LRRIQ3: variants seen among roughly 807,000 people sequenced by gnomAD.
LRRIQ3 encodes the protein leucine rich repeats and IQ motif containing 3.
LRRIQ3 carries 75 observed loss-of-function variants against 59.3 expected under a neutral mutation model. The ratio of observed to expected loss-of-function variants is 1.26; its 90% confidence interval spans 1.05 to 1.53. LRRIQ3 has a LOEUF of 1.53. Among genes scored for constraint, LRRIQ3 ranks in the 40% most tolerant of loss-of-function variants. The pLI is 0.00. For synonymous variants in LRRIQ3, 250 were observed against 231.3 expected (o/e 1.08, Z -0.73); for missense variants, 831 against 710.0 (o/e 1.17, Z -1.94).
intron 3 of LRRIQ3, among the ~76,000 whole-genome samples, chr1:74,177,083 C>A (rs1353005360): frequency 3.3e-5 from 5 of 152,124 alleles, no homozygotes; most frequent in Non-Finnish European, 5.9e-5. Context: ...ATAGAGAGAG[C>A]AGGCTTCTGT....
chr1:74,095,323 T>A (rs1024443382), intron 5 of LRRIQ3, among the ~76,000 whole-genome samples: 2 of 152,140 alleles, frequency 1.3e-5, no homozygotes. Context: ...GAACAGTTGT[T>A]TTGTTTACAT....
At chr1:74,191,199 G>A (rs983116361) in intron 1 of LRRIQ3, among the ~76,000 whole-genome samples, 3 of 152,088 alleles carry the variant, frequency 2.0e-5, no homozygotes, top group South Asian at 4.1e-4. Context: ...ACTGTATGGT[G>A]CAAAATTATT....
intron 4 of LRRIQ3, among the ~76,000 whole-genome samples, chr1:74,150,325 C>A (rs1017599684): frequency 7.2e-5 from 11 of 151,916 alleles, no homozygotes; most frequent in South Asian, 2.1e-4. Context: ...CTAGTTTAAG[C>A]CAAGATATTG....
intron 4 of LRRIQ3, among the ~76,000 whole-genome samples, chr1:74,121,350 C>T (rs535268963): frequency 6.6e-6 from 1 of 152,194 alleles, no homozygotes; most frequent in East Asian, 1.9e-4. Context: ...TTACTGAAAA[C>T]AAACCAAGTA....
rs1056404123 is a variant in LRRIQ3 at position 74,121,544 on chromosome 1, T to C, written c.708-11991A>G. On this transcript the variant is annotated intron_variant, in intron 4 of 7. Coordinates refer to ENST00000354431, the MANE Select transcript of LRRIQ3 (RefSeq NM_001105659.2). ...AGGCTAGTCATCTATATAATTTTAA[T>C]CTTATTAGTAATTTTGGTTACAGAT... Among the ~76,000 whole-genome samples the C allele has an allele frequency of 2.0e-5, 3 of 152,136 alleles. No homozygotes were observed. In the East Asian group the frequency reaches 5.8e-4, roughly 29 times the overall value.
intron 6 of LRRIQ3, among the ~76,000 whole-genome samples, chr1:74,068,121 C>T (rs1210309419): frequency 6.6e-6 from 1 of 151,930 alleles, no homozygotes; most frequent in Non-Finnish European, 1.5e-5. Context: ...TCATTTCAGC[C>T]CCTGATATCA....
chr1:74,074,906 A>T, intron 5 of LRRIQ3, 116 bp from the exon 6 acceptor site: 1 of 502,100 alleles, frequency 2.0e-6, no homozygotes. Flanking sequence ...AAACATGAAA[A>T]CAAAAACCTG....
chr1:74,086,965 G>T (rs1286525213), intron 5 of LRRIQ3, among the ~76,000 whole-genome samples: 1 of 152,026 alleles, frequency 6.6e-6, no homozygotes, highest in Non-Finnish European at 1.5e-5. Context: ...GCTGACAGGT[G>T]TAAGAACTTA....
At chr1:74,155,498 C>T (rs1330907312) in intron 4 of LRRIQ3, among the ~76,000 whole-genome samples, 1 of 151,982 alleles carries the variant, frequency 6.6e-6, no homozygotes, top group Non-Finnish European at 1.5e-5. Context: ...CCATGGCTTA[C>T]ATTTGTATTT....
chr1:74,155,821 A>G lies in LRRIQ3; in HGVS notation c.619T>C (p.Ser207Pro). The G allele has an allele frequency of 6.3e-7, 1 of 1,580,478 alleles. No individual in the cohort carries two copies. Among genetic ancestry groups the G allele is most frequent in the South Asian group, 1.2e-5 (1 of 83,684 alleles). The change falls in exon 4 of 8, where the codon TCA (serine) becomes CCA (proline). Residue 207 changes from serine (S) to proline (P), a missense_variant. Ser to Pro is a moderately conservative substitution (Grantham distance 74). Transcript: ENST00000354431. ...EEINNIKHITSKINAILAHNS... is the reference protein window; with the variant it reads ...EEINNIKHITPKINAILAHNS... Reference sequence around the variant, plus strand: ...TGAGCCAGAATTGCATTAATTTTTGAAGTAATATGTTTAATATTATTAATT... The same window carrying G: ...TGAGCCAGAATTGCATTAATTTTTGGAGTAATATGTTTAATATTATTAATT...
intron 4 of LRRIQ3, among the ~76,000 whole-genome samples, chr1:74,155,416 G>A (rs573160215): frequency 1.1e-4 from 16 of 152,040 alleles, no homozygotes; most frequent in South Asian, 6.2e-4. Flanking sequence ...AATTGTATTC[G>A]CATCTAAATA....
At chr1:74,049,193 G>A (rs933506439) in intron 6 of LRRIQ3, among the ~76,000 whole-genome samples, 1 of 152,192 alleles carries the variant, frequency 6.6e-6, no homozygotes, top group Non-Finnish European at 1.5e-5. Context: ...AATCCACTAA[G>A]TAAGAGGAGA....
intron 6 of LRRIQ3, among the ~76,000 whole-genome samples, chr1:74,065,431 C>T (rs1570055768): frequency 6.6e-6 from 1 of 152,048 alleles, no homozygotes; most frequent in Non-Finnish European, 1.5e-5. Context: ...GAATCATAAT[C>T]CTAGAAGAGC....
chr1:74,087,921 A>G (rs1646347062), intron 5 of LRRIQ3, among the ~76,000 whole-genome samples: 5 of 151,854 alleles, frequency 3.3e-5, no homozygotes, highest in African/African-American at 9.7e-5. Flanking sequence ...ATACGGTGAA[A>G]CCCTGTCTCT....
At chr1:74,103,466 A>G (rs960965895) in intron 5 of LRRIQ3, among the ~76,000 whole-genome samples, 4 of 152,040 alleles carry the variant, frequency 2.6e-5, no homozygotes, top group African/African-American at 9.7e-5. Flanking sequence ...CTCATTTCTT[A>G]GCATTAGTTA....
At chr1:74,166,687 C>T (rs190121234) in intron 3 of LRRIQ3, among the ~76,000 whole-genome samples, 533 of 151,926 alleles carry the variant, frequency 3.5e-3, no homozygotes, top group Admixed American at 5.7e-3. Context: ...TTCCTCTAAG[C>T]ATTGCCTTAG....
intron 6 of LRRIQ3, among the ~76,000 whole-genome samples, chr1:74,053,164 G>T (rs1654418767): frequency 9.7e-6 from 1 of 103,378 alleles, no homozygotes; most frequent in African/African-American, 3.5e-5. Flanking sequence ...GAAATAACCG[G>T]TCCTCCACAT....
At chr1:74,172,186 T>C (rs1195240671) in intron 3 of LRRIQ3, among the ~76,000 whole-genome samples, 1 of 152,140 alleles carries the variant, frequency 6.6e-6, no homozygotes, top group Non-Finnish European at 1.5e-5. Flanking sequence ...GGTGTACAGT[T>C]GGTTGAGATC....
chr1:74,096,581 T>C (rs1193992185), intron 5 of LRRIQ3, among the ~76,000 whole-genome samples: 2 of 152,160 alleles, frequency 1.3e-5, no homozygotes, highest in African/African-American at 4.8e-5. Context: ...CTTTGTTCCA[T>C]TGCTGGTGAG....
Sources: gnomAD v4.1 joint callset for allele counts (sites outside exome capture counted in the v4.1 genomes callset) on GRCh38, gnomAD v4.1.1 for gene constraint, MANE v1.5 for transcripts, NCBI Gene and HGNC (gene_info 2026-07-23, HGNC 2026-07-21) for gene names.